The following BIRC3 variants were observed in gnomAD, a reference collection of about 807,000 sequenced individuals.
The protein encoded by BIRC3 is baculoviral IAP repeat containing 3.
In BIRC3, 26 loss-of-function variants were observed where a neutral mutation model predicts 59.0. The observed-to-expected ratio is 0.44, with a 90% CI of 0.32 to 0.61. The LOEUF is 0.61. BIRC3 is among the 20% of genes least tolerant of loss of function. The pLI, the probability that BIRC3 is intolerant of heterozygous loss-of-function variation, is 0.04. For missense variants in BIRC3, 641 were observed against 711.5 expected (o/e 0.90, Z 1.13); for synonymous variants, 243 against 249.2 (o/e 0.98, Z 0.24).
rs1951044461 is a variant in BIRC3, at chr11:102,322,804, G to GCCACAGTGA, written c.-1704_-1696dup. On this transcript the variant is annotated 5_prime_UTR_variant, in exon 2 of 9. Coordinates refer to ENST00000263464, the MANE Select transcript of BIRC3 (RefSeq NM_001165.5). ...AAAAAAAAAAAAAAAAAAAAAAAAAGCCACAGTGACTTGCTTATTGGTCAT... is the reference window on the plus strand; with the variant it reads ...AAAAAAAAAAAAAAAAAAAAAAAAAGCCACAGTGACCACAGTGACTTGCTTATTGGTCAT... 1 of 129,188 alleles carries GCCACAGTGA rather than the reference G, an allele frequency of 7.7e-6. No individual in the cohort carries two copies. The highest frequency in any genetic ancestry group is 1.5e-5 in the Non-Finnish European group (1 of 66,450). 8.0% of individuals were successfully genotyped at this position (129,188 alleles called of 1,614,324 possible).
intron 6 of BIRC3, among the ~76,000 whole-genome samples, chr11:102,334,229 A>C (rs1951173799): frequency 6.6e-6 from 1 of 152,190 alleles, no homozygotes; most frequent in Non-Finnish European, 1.5e-5. Flanking sequence ...TAATTTAACA[A>C]AATATATTAA....
Position 102,336,213 on chromosome 11 carries a change from T to C in BIRC3, c.1572T>C (p.His524=). The change falls in exon 7 of 9, where the codon CAT becomes CAC. Residue 524 remains histidine, a synonymous_variant. Coordinates refer to ENST00000263464, the MANE Select transcript of BIRC3 (RefSeq NM_001165.5). The part of the protein sequence containing the change: ...LQEAEAVLYE[H]LFVQQDIKYI... Reference sequence around the variant, plus strand: ...AAGCTGAAGCTGTGTTATATGAGCATTTATTTGGTGAGTGATAGAAAATTA... The same window carrying C: ...AAGCTGAAGCTGTGTTATATGAGCACTTATTTGGTGAGTGATAGAAAATTA... The C allele has an allele frequency of 6.3e-7, 1 of 1,586,520 alleles. No homozygotes were observed. Among genetic ancestry groups the C allele is most frequent in the Non-Finnish European group, 8.6e-7 (1 of 1,167,308 alleles).
At chr11:102,331,543 T>A (rs999391980) in intron 6 of BIRC3, among the ~76,000 whole-genome samples, 2 of 152,202 alleles carry the variant, frequency 1.3e-5, no homozygotes, top group Non-Finnish European at 2.9e-5. Context: ...ATTTTTTTTT[T>A]CTTAACGCTT....
intron 3 of BIRC3, 86 bp from the exon 4 acceptor site, chr11:102,327,966 C>A: frequency 1.0e-6 from 1 of 994,600 alleles, no homozygotes; most frequent in Non-Finnish European, 1.5e-6. Context: ...ATGGAATAAA[C>A]ACCTAGAGAT....
At chr11:102,333,572 G>GAA (rs201323847) in intron 6 of BIRC3, among the ~76,000 whole-genome samples, 8 of 126,104 alleles carry the variant, frequency 6.3e-5, no homozygotes, top group East Asian at 2.1e-4. Flanking sequence ...CTCTCTAAAA[G>GAA]AAAAAAAAAA....
chr11:102,337,255 CCATATGAA>C lies in BIRC3; in HGVS notation c.*159_*166del, dbSNP rs1381041152. 2.6e-5 allele frequency: 13 copies of C among 494,218 alleles called. No homozygotes were observed. The highest frequency in any genetic ancestry group is 4.2e-5 in the Non-Finnish European group (13 of 308,858). The allele number at this position is 494,218 out of a possible 1,614,324, so 30.6% of individuals were successfully genotyped here. ...TAACATATTTATATATGTATCTAAA[CCATATGAA>C]CATATATTTTTTAGAAACTAAGAGA... is the stretch of plus-strand genomic sequence containing the variant. On this transcript the variant is annotated 3_prime_UTR_variant, in exon 9 of 9. Coordinates refer to ENST00000263464, the MANE Select transcript of BIRC3 (RefSeq NM_001165.5).
chr11:102,320,215 A>G (rs1462863694), intron 1 of BIRC3: 1 of 151,834 alleles, frequency 6.6e-6, no homozygotes, highest in Non-Finnish European at 1.5e-5. Context: ...TGCAAACTCA[A>G]ATGGAGGTGA....
intron 6 of BIRC3, 140 bp from the exon 7 acceptor site, chr11:102,335,826 C>A (rs1951189591): frequency 6.2e-6 from 5 of 804,470 alleles, no homozygotes; most frequent in East Asian, 5.4e-5. Flanking sequence ...AGATGAGACA[C>A]CCCTAAACCT....
At chr11:102,321,469 C>T (rs1239382500) in intron 1 of BIRC3, among the ~76,000 whole-genome samples, 1 of 152,154 alleles carries the variant, frequency 6.6e-6, no homozygotes, top group Non-Finnish European at 1.5e-5. Flanking sequence ...ATTCTCCTGC[C>T]TCAGCCTCCG....
chr11:102,329,482 G>T (rs558125991), intron 5 of BIRC3, among the ~76,000 whole-genome samples: 36 of 152,084 alleles, frequency 2.4e-4, no homozygotes, highest in Non-Finnish European at 3.7e-4. Context: ...TATATTTATT[G>T]TATATTGTAT....
chr11:102,318,155 T>TA (rs1432906022), intron 1 of BIRC3, among the ~76,000 whole-genome samples: 4 of 152,242 alleles, frequency 2.6e-5, no homozygotes, highest in African/African-American at 9.6e-5. Flanking sequence ...TAAGTACTGC[T>TA]ACCTGCTATG....
Position 102,331,426 on chromosome 11 carries a change from A to T in BIRC3, c.1324+185A>T, listed in dbSNP as rs137893748. On this transcript the variant is annotated intron_variant, in intron 6 of 8. Transcript: ENST00000263464. The stretch of plus-strand genomic sequence containing the variant: ...ATATTCAAATATATTTGAGTTGCTC[A>T]TAAGTCAAAAATGTATGATGTACAA... Among the ~76,000 whole-genome samples, 844 of 152,328 alleles carry T rather than the reference A, an allele frequency of 5.5e-3. 10 individuals carry two copies. Among genetic ancestry groups the T allele is most frequent in the African/African-American group, 0.02 (818 of 41,560 alleles).
chr11:102,322,542 G>A lies in BIRC3; in HGVS notation c.-1968G>A, dbSNP rs1454485646. 1.5e-5 allele frequency: 3 copies of A among 205,874 alleles called. No homozygotes were observed. Among genetic ancestry groups the A allele is most frequent in the Non-Finnish European group, 2.0e-5 (2 of 100,814 alleles). 12.8% of individuals were successfully genotyped at this position (205,874 alleles called of 1,614,324 possible). A position where few individuals can be genotyped will look rare whatever the true frequency, so the allele number is the denominator to read the frequency against. ...ACATTTTAGGAAATGAAGAAACTTA[G>A]AAAATTAATATAAAGACAGTGATGA... On this transcript the variant is annotated 5_prime_UTR_variant, in exon 2 of 9. An upstream open reading frame in the 5' UTR loses its in-frame stop. Transcript: ENST00000263464.
intron 5 of BIRC3, among the ~76,000 whole-genome samples, chr11:102,329,344 T>C (rs1277593245): frequency 6.6e-6 from 1 of 152,178 alleles, no homozygotes; most frequent in Admixed American, 6.5e-5. Context: ...AGTCACCTTT[T>C]TAAATAGGGA....
Position 102,324,345 on chromosome 11 carries a change from T to G in BIRC3, c.-165T>G. On this transcript the variant is annotated 5_prime_UTR_variant, in exon 2 of 9. Coordinates refer to ENST00000263464, the MANE Select transcript of BIRC3 (RefSeq NM_001165.5). The stretch of plus-strand genomic sequence containing the variant: ...TTCCTTAAAATGTATCAGTATAGGA[T>G]TTAGAATCTCCATGTTGAAACTCTA... The G allele has an allele frequency of 1.4e-6, 1 of 704,602 alleles. No homozygotes were observed. Among genetic ancestry groups the G allele is most frequent in the South Asian group, 2.3e-5 (1 of 43,098 alleles). The allele number at this position is 704,602 out of a possible 1,614,324, so 43.6% of individuals were successfully genotyped here.
chr11:102,336,600 A>C (rs1372561813), intron 7 of BIRC3, 160 bp from the exon 8 acceptor site: 5 of 720,788 alleles, frequency 6.9e-6, no homozygotes, highest in Non-Finnish European at 1.1e-5. Flanking sequence ...AAAAAAATCA[A>C]TCTAATTTAT....
chr11:102,331,370 A>G, intron 6 of BIRC3, 129 bp downstream of exon 6: 1 of 997,640 alleles, frequency 1.0e-6, no homozygotes, highest in Non-Finnish European at 1.3e-6. Context: ...CATGTTTAGT[A>G]TTCTGAATTC....
chr11:102,328,833 G>A, intron 4 of BIRC3, 64 bp from the exon 5 acceptor site: 2 of 641,282 alleles, frequency 3.1e-6, no homozygotes, highest in Admixed American at 4.9e-5. Context: ...CATTGCAATG[G>A]GTAAGATAAG....
chr11:102,336,045 A>G lies in BIRC3; in HGVS notation c.1404A>G (p.Leu468=). The G allele has an allele frequency of 6.2e-7, 1 of 1,613,726 alleles. No individual in the cohort carries two copies. The highest frequency in any genetic ancestry group is 8.5e-7 in the Non-Finnish European group (1 of 1,179,844). The change falls in exon 7 of 9, where the codon CTA becomes CTG. Residue 468 remains leucine (L), a synonymous_variant. Coordinates refer to ENST00000263464, the MANE Select transcript of BIRC3 (RefSeq NM_001165.5). ...GTGTAATTCCAATCCTGGATAGTCTACTAACTGCCGGAATTATTAATGAAC... is the reference window on the plus strand; with the variant it reads ...GTGTAATTCCAATCCTGGATAGTCTGCTAACTGCCGGAATTATTAATGAAC... ...LTCVIPILDS[L]LTAGIINEQE...
Sources: gnomAD v4.1 joint callset for allele counts (sites outside exome capture counted in the v4.1 genomes callset) on GRCh38, gnomAD v4.1.1 for gene constraint, MANE v1.5 for transcripts, NCBI Gene and HGNC (gene_info 2026-07-23, HGNC 2026-07-21) for gene names.